Variants in MYO1H observed in about 807,000 individuals in gnomAD.
MYO1H encodes the protein myosin IH.
A neutral mutation model predicts 149.3 loss-of-function variants in MYO1H; 118 were observed. The observed-to-expected ratio is 0.79, with a 90% CI of 0.68 to 0.92. The LOEUF (loss-of-function observed/expected upper bound fraction) is 0.92. Among genes scored for constraint, MYO1H ranks in the 40% least tolerant of loss-of-function variants. MYO1H has a pLI of 0.00. For synonymous variants in MYO1H, 447 were observed against 465.2 expected (o/e 0.96, Z 0.50); for missense variants, 1,212 against 1,280.7 (o/e 0.95, Z 0.82).
intron 1 of MYO1H, chr12:109,354,181 G>C (rs1868529840): frequency 6.6e-6 from 1 of 152,164 alleles, no homozygotes; most frequent in African/African-American, 2.4e-5. Flanking sequence ...ATTCAGAAAA[G>C]TAAAATTGTA....
chr12:109,414,911 T>C (rs547629263), intron 14 of MYO1H, among the ~76,000 whole-genome samples: 33 of 152,170 alleles, frequency 2.2e-4, no homozygotes, highest in African/African-American at 7.9e-4. Flanking sequence ...AGGGTCTTGC[T>C]GTGTTGCCCA....
intron 1 of MYO1H, among the ~76,000 whole-genome samples, chr12:109,386,896 T>C (rs1869343779): frequency 6.6e-6 from 1 of 152,132 alleles, no homozygotes; most frequent in Non-Finnish European, 1.5e-5. Flanking sequence ...CTAAGAAAAC[T>C]TTGCCTTCCC....
At chr12:109,446,380 A>G (rs924429713) in intron 31 of MYO1H, 1 of 985,454 alleles carries the variant, frequency 1.0e-6, no homozygotes, top group Non-Finnish European at 1.2e-6. Context: ...CTTGTATTAT[A>G]GGAAGAATTT....
intron 24 of MYO1H, chr12:109,440,437 C>T (rs1304276305): frequency 6.5e-6 from 2 of 309,270 alleles, no homozygotes; most frequent in Non-Finnish European, 1.2e-5. Context: ...AACTTAGAGG[C>T]GGGGCTGTTG....
At chr12:109,439,701 C>A (rs74528155) in exon 24 of MYO1H, 1 of 1,613,640 alleles carries the variant, frequency 6.2e-7, no homozygotes, top group East Asian at 2.2e-5. Context: ...CGTGTTTGTG[C>A]GGAAGAATTA....
At chr12:109,424,221 C>T (rs886142505) in intron 16 of MYO1H, among the ~76,000 whole-genome samples, 12 of 152,084 alleles carry the variant, frequency 7.9e-5, no homozygotes, top group Non-Finnish European at 1.3e-4. Flanking sequence ...AGTGCAGTGG[C>T]GCAATCAGAG....
At chr12:109,444,653 G>A in intron 30 of MYO1H, 124 bp downstream of exon 30, 1 of 737,824 alleles carries the variant, frequency 1.4e-6, no homozygotes, top group East Asian at 2.7e-5. Flanking sequence ...GATAACTTGA[G>A]GCTAGGAGTT....
At chr12:109,413,500 A>G (rs575297409) in intron 14 of MYO1H, among the ~76,000 whole-genome samples, 4 of 152,250 alleles carry the variant, frequency 2.6e-5, no homozygotes, top group Non-Finnish European at 5.9e-5. Flanking sequence ...ATGAAATTGC[A>G]TAGTGAATCA....
Position 109,443,312 on chromosome 12 carries a change from GTA to G in MYO1H, c.2689-196_2689-195del, listed in dbSNP as rs200785003. On this transcript the variant is annotated intron_variant, in intron 27 of 31. Coordinates refer to ENST00000310903, the Ensembl canonical transcript of MYO1H. Reference sequence around the variant, plus strand: ...TATATATGTGTGTATATATGTGTACGTATATATGTGTGTATGTATGTGTACGT... The same window carrying G: ...TATATATGTGTGTATATATGTGTACGTATATGTGTGTATGTATGTGTACGT... Among the ~76,000 whole-genome samples the G allele has an allele frequency of 7.7e-5, 10 of 130,716 alleles. 2 individuals carry two copies. The highest frequency in any genetic ancestry group is 2.5e-4 in the African/African-American group (8 of 32,400). 85.8% of individuals were successfully genotyped at this position (130,716 alleles called of 152,430 possible).
chr12:109,356,734 G>A (rs991251930), intron 1 of MYO1H, among the ~76,000 whole-genome samples: 1 of 152,094 alleles, frequency 6.6e-6, no homozygotes, highest in Non-Finnish European at 1.5e-5. Flanking sequence ...TAATTTAGAA[G>A]CACTATTCTG....
chr12:109,370,059 C>T (rs938621386), intron 1 of MYO1H, among the ~76,000 whole-genome samples: 24 of 152,264 alleles, frequency 1.6e-4, no homozygotes, highest in Admixed American at 1.4e-3. Flanking sequence ...GACCCGCCCC[C>T]GTGATTCAAT....
At chr12:109,441,703 G>C in exon 26 of MYO1H, 1 of 1,607,496 alleles carries the variant, frequency 6.2e-7, no homozygotes, top group Non-Finnish European at 8.5e-7. Flanking sequence ...GTCAACAGTC[G>C]GATAGGTAAG....
chr12:109,398,653 G>A (rs1451461546), intron 5 of MYO1H, among the ~76,000 whole-genome samples: 1 of 149,974 alleles, frequency 6.7e-6, no homozygotes, highest in Non-Finnish European at 1.5e-5. Flanking sequence ...GGAAGGCTGA[G>A]GCAGGAGAAT....
At chr12:109,318,050 G>A in the MYO1H span, among the ~76,000 whole-genome samples, 77 of 152,254 alleles carry the variant, frequency 5.1e-4, no homozygotes, top group African/African-American at 1.8e-3. Context: ...GGTTTAAAAC[G>A]TACATTAAAG....
chr12:109,403,898 GC>G (rs1053260472), intron 6 of MYO1H, 83 bp from the exon 7 acceptor site: 8 of 885,350 alleles, frequency 9.0e-6, no homozygotes, highest in Admixed American at 2.0e-5. Flanking sequence ...TATAGGACTA[GC>G]TTTTGCATCT....
At chr12:109,419,412 G>C (rs2135571160) in intron 15 of MYO1H, among the ~76,000 whole-genome samples, 1 of 152,094 alleles carries the variant, frequency 6.6e-6, no homozygotes. Flanking sequence ...TCATATTTGG[G>C]TTCTGGGATA....
chr12:109,336,405 A>G, the MYO1H span, among the ~76,000 whole-genome samples: 4 of 152,274 alleles, frequency 2.6e-5, no homozygotes, highest in South Asian at 2.1e-4. Flanking sequence ...AAAAAGTTCA[A>G]CTCAAACTGG....
At chr12:109,397,911 G>C (rs1362309613) in intron 5 of MYO1H, 99 bp downstream of exon 5, 1 of 802,958 alleles carries the variant, frequency 1.2e-6, no homozygotes, top group Non-Finnish European at 1.9e-6. Context: ...GCATTTTTTG[G>C]CTCAAGCTAT....
At chr12:109,344,936 T>C (rs1003404598), upstream of MYO1H, among the ~76,000 whole-genome samples, 1 of 152,232 alleles carries the variant, frequency 6.6e-6, no homozygotes, top group Non-Finnish European at 1.5e-5. Context: ...TGTTATAAAG[T>C]TAGATGTCTC....
Sources: allele counts gnomAD v4.1 joint callset (sites outside exome capture counted in the v4.1 genomes callset), GRCh38; gene constraint gnomAD v4.1.1; transcripts MANE v1.5; gene names NCBI Gene and HGNC (gene_info 2026-07-23, HGNC 2026-07-21).